The following BID variants were observed in gnomAD, a reference collection of about 807,000 sequenced individuals.
BID encodes the protein BH3 interacting domain death agonist, also known as BH3-interacting domain death agonist.
A neutral mutation model predicts 17.4 loss-of-function variants in BID; 19 were observed. The observed-to-expected ratio is 1.09, with a 90% CI of 0.76 to 1.60. The LOEUF is 1.60. BID is among the 40% of genes most tolerant of loss of function. The probability of loss-of-function intolerance (pLI) is 0.00; values close to 1 mark genes in which losing one functional copy is unlikely to be tolerated. For missense variants in BID, 226 were observed against 256.0 expected (o/e 0.88, Z 0.80); for synonymous variants, 108 against 102.8 (o/e 1.05, Z -0.31).
intron 1 of BID, among the ~76,000 whole-genome samples, chr22:17,758,360 C>T (rs1222354689): frequency 1.3e-5 from 2 of 152,318 alleles, no homozygotes; most frequent in African/African-American, 4.8e-5. Context: ...AGGAACTTAT[C>T]CAGTTATATT....
At chr22:17,770,748 C>T (rs1437841914) in intron 1 of BID, among the ~76,000 whole-genome samples, 1 of 152,248 alleles carries the variant, frequency 6.6e-6, no homozygotes, top group Non-Finnish European at 1.5e-5. Flanking sequence ...GGCACACTTT[C>T]CTTCCTCTGA....
chr22:17,739,423 T>C lies in BID; in HGVS notation c.289A>G (p.Met97Val), dbSNP rs772742590. ...AGGCCCGGAGGGATGCTACGGTCCA[T>C]GCTGTCCCCGACCTGGGCGAGGTGC... ...ARHLAQVGDS[M>V]DRSIPPGLVN... is the part of the protein sequence containing the mutation. The change falls in exon 4 of 6, where the codon ATG (methionine) becomes GTG (valine). Residue 97 changes from methionine to valine, a missense_variant. Coordinates refer to ENST00000622694, the MANE Select transcript of BID (RefSeq NM_001196.4). The C allele has an allele frequency of 6.2e-7, 1 of 1,612,230 alleles. No individual in the cohort carries two copies. The highest frequency in any genetic ancestry group is 2.2e-5 in the East Asian group (1 of 44,888).
chr22:17,750,205 C>T (rs1464884707), intron 1 of BID, 31 bp from the exon 2 acceptor site: 1 of 1,588,610 alleles, frequency 6.3e-7, no homozygotes, highest in Admixed American at 1.7e-5. Context: ...TGGGCGGCCG[C>T]TCCTGGGAAG....
chr22:17,742,789 T>C (rs1252382929), intron 3 of BID, among the ~76,000 whole-genome samples: 1 of 152,210 alleles, frequency 6.6e-6, no homozygotes, highest in African/African-American at 2.4e-5. Flanking sequence ...GTAATTCCAA[T>C]GTGCACACTA....
At chr22:17,748,526 A>G (rs2061512940) in intron 2 of BID, among the ~76,000 whole-genome samples, 2 of 152,202 alleles carry the variant, frequency 1.3e-5, no homozygotes, top group South Asian at 4.1e-4. Flanking sequence ...ATAAAAATAA[A>G]AAATAGAAGT....
chr22:17,749,602 G>A (rs2895951), intron 2 of BID, among the ~76,000 whole-genome samples: 63,250 of 152,138 alleles, frequency 0.42, 14,344 homozygotes, highest in East Asian at 0.74. Flanking sequence ...GTTAGACAAG[G>A]TAAGTATTGT....
rs1381968354 is a variant in BID at position 17,748,155 on chromosome 22, G to T, written c.12+1950C>A. On this transcript the variant is annotated intron_variant, in intron 2 of 5. Coordinates refer to ENST00000622694, the MANE Select transcript of BID (RefSeq NM_001196.4). ...ACTTGGGAGGCGGAGCTGGCAGTGA[G>T]CGGAGATCACATCACTGCACTCCAG... Among the ~76,000 whole-genome samples, 5 of 150,398 alleles carry T rather than the reference G, an allele frequency of 3.3e-5. No individual in the cohort carries two copies. The East Asian group carries it at 7.9e-4, about 24-fold the overall frequency.
At chr22:17,759,234 C>CAAAAAACAAAACA (rs2061616543) in intron 1 of BID, among the ~76,000 whole-genome samples, 7 of 29,236 alleles carry the variant, frequency 2.4e-4, no homozygotes, top group African/African-American at 7.0e-4. Flanking sequence ...CGTCTCAAAA[C>CAAAAAACAAAACA]AAAAAACAAA....
rs542307783 is a variant in BID, at chr22:17,750,785, G to A, written c.-58-611C>T. On this transcript the variant is annotated intron_variant, in intron 1 of 5. Transcript: ENST00000622694. ...AGAGGTTGCAGTAAGCCGAGATCAC[G>A]CCACTGCACTCCAGCCTGGGCGACA... 5.9e-5 allele frequency among the ~76,000 whole-genome samples: 9 copies of A among 152,192 alleles called. No individual in the cohort carries two copies. The South Asian group carries it at 1.0e-3, about 18-fold the overall frequency.
intron 1 of BID, among the ~76,000 whole-genome samples, chr22:17,751,003 T>C (rs2061534487): frequency 6.6e-6 from 1 of 151,226 alleles, no homozygotes; most frequent in Admixed American, 6.6e-5. Context: ...ACCACTGCAC[T>C]CCAGCCTGGG....
intron 1 of BID, among the ~76,000 whole-genome samples, chr22:17,770,397 T>C (rs949670502): frequency 1.3e-5 from 2 of 151,972 alleles, no homozygotes; most frequent in African/African-American, 4.8e-5. Context: ...TTACAAAGGG[T>C]TTTCCCTTCT....
intron 1 of BID, among the ~76,000 whole-genome samples, chr22:17,765,021 C>A (rs1421277480): frequency 6.6e-6 from 1 of 152,152 alleles, no homozygotes; most frequent in Admixed American, 6.6e-5. Flanking sequence ...CATGAAAACA[C>A]TGTCAACATC....
chr22:17,734,176 C>T lies in BID; in HGVS notation c.*1404G>A, dbSNP rs1051299339. 2 of 152,244 alleles carry T rather than the reference C, an allele frequency of 1.3e-5. No homozygotes were observed. Among genetic ancestry groups the T allele is most frequent in the Non-Finnish European group, 2.9e-5 (2 of 68,048 alleles). 9.4% of individuals were successfully genotyped at this position (152,244 alleles called of 1,614,324 possible). On this transcript the variant is annotated 3_prime_UTR_variant, in exon 6 of 6. Transcript: ENST00000622694. Reference sequence around the variant, plus strand: ...AAGATTTATTTCCAAACAGTGGCCTCCACACTGCGCGGCAGCACTTCTTTT... The same window carrying T: ...AAGATTTATTTCCAAACAGTGGCCTTCACACTGCGCGGCAGCACTTCTTTT...
intron 1 of BID, among the ~76,000 whole-genome samples, chr22:17,761,238 TGAGA>T (rs2061636146): frequency 1.3e-5 from 2 of 152,188 alleles, no homozygotes; most frequent in African/African-American, 4.8e-5. Flanking sequence ...CGCGGGTGTC[TGAGA>T]GAGACTTGAT....
At chr22:17,743,771 CT>C in intron 3 of BID, 31 bp downstream of exon 3, 1 of 1,584,160 alleles carries the variant, frequency 6.3e-7, no homozygotes, top group Admixed American at 1.8e-5. Context: ...AGAAGCCCAG[CT>C]TTGGGGAAGG....
At chr22:17,748,796 T>A (rs1308598777) in intron 2 of BID, among the ~76,000 whole-genome samples, 2 of 152,146 alleles carry the variant, frequency 1.3e-5, no homozygotes, top group Non-Finnish European at 2.9e-5. Context: ...GACGGTGGTG[T>A]TCTACCTGCG....
intron 1 of BID, among the ~76,000 whole-genome samples, chr22:17,759,718 T>C (rs2061622347): frequency 6.6e-6 from 1 of 152,108 alleles, no homozygotes; most frequent in African/African-American, 2.4e-5. Context: ...TATTAAAGTT[T>C]AAAATTTTTT....
intron 1 of BID, among the ~76,000 whole-genome samples, chr22:17,759,637 C>T (rs1033037229): frequency 6.6e-6 from 1 of 152,096 alleles, no homozygotes; most frequent in Non-Finnish European, 1.5e-5. Flanking sequence ...GGGAGGACTG[C>T]TTGAAAGCCC....
chr22:17,742,015 C>T (rs181398), intron 3 of BID, among the ~76,000 whole-genome samples: 17,861 of 152,276 alleles, frequency 0.12, 1,485 homozygotes, highest in Non-Finnish European at 0.18. Flanking sequence ...GCTTCAGTTA[C>T]GGACACGTCC....
Sources: allele counts gnomAD v4.1 joint callset (sites outside exome capture counted in the v4.1 genomes callset), GRCh38; gene constraint gnomAD v4.1.1; transcripts MANE v1.5; gene names NCBI Gene and HGNC (gene_info 2026-07-23, HGNC 2026-07-21).